Variants in CNTNAP2 observed in about 807,000 individuals in gnomAD.
CNTNAP2 encodes contactin associated protein 2, also known as contactin-associated protein-like 2.
A neutral mutation model predicts 155.2 loss-of-function variants in CNTNAP2; 98 were observed. That is an observed-to-expected ratio of 0.63 (90% CI 0.54 to 0.75). The LOEUF is 0.75. Among genes scored for constraint, CNTNAP2 ranks in the 30% least tolerant of loss-of-function variants. The pLI is 0.00. For missense variants in CNTNAP2, 1,727 were observed against 1,688.1 expected (o/e 1.02, Z -0.40); for synonymous variants, 651 against 631.2 (o/e 1.03, Z -0.47).
chr7:146,364,458 T>C (rs1795127612), intron 1 of CNTNAP2, among the ~76,000 whole-genome samples: 1 of 152,198 alleles, frequency 6.6e-6, no homozygotes, highest in Non-Finnish European at 1.5e-5. Context: ...TTTTTTCAAT[T>C]GCTTTAGAGG....
At chr7:147,700,470 T>C (rs549484941) in intron 13 of CNTNAP2, among the ~76,000 whole-genome samples, 2 of 152,314 alleles carry the variant, frequency 1.3e-5, no homozygotes, top group African/African-American at 4.8e-5. Context: ...ACCTATCCAC[T>C]TCAAATTCAT....
chr7:147,244,308 C>T (rs1373791429), intron 8 of CNTNAP2, among the ~76,000 whole-genome samples: 1 of 152,134 alleles, frequency 6.6e-6, no homozygotes, highest in Non-Finnish European at 1.5e-5. Flanking sequence ...AGATCAGGGG[C>T]CAGCAGCCTT....
chr7:147,476,306 C>T (rs1798319192), intron 10 of CNTNAP2, among the ~76,000 whole-genome samples: 2 of 151,908 alleles, frequency 1.3e-5, no homozygotes, highest in African/African-American at 2.4e-5. Flanking sequence ...GGGGTTTCAC[C>T]GTGTTAACCA....
chr7:146,941,489 T>C (rs569397345), intron 3 of CNTNAP2, among the ~76,000 whole-genome samples: 17 of 152,256 alleles, frequency 1.1e-4, no homozygotes, highest in African/African-American at 4.1e-4. Context: ...TAGTTTTGTC[T>C]TTTAACCTTC....
chr7:148,296,565 A>AAAAAAAT (rs1797290828), intron 21 of CNTNAP2, among the ~76,000 whole-genome samples: 1 of 142,124 alleles, frequency 7.0e-6, no homozygotes, highest in South Asian at 2.2e-4. Context: ...AAAAAAAAAA[A>AAAAAAAT]AAATTATCCC....
intron 11 of CNTNAP2, among the ~76,000 whole-genome samples, chr7:147,510,871 A>ATATAT (rs1799006293): frequency 2.8e-5 from 4 of 141,936 alleles, no homozygotes; most frequent in African/African-American, 1.1e-4. Context: ...ATATATATAT[A>ATATAT]ATGCTTCCTC....
In CNTNAP2 at chr7:148,417,412, C is replaced by T. The variant is rs990363913; in HGVS notation, c.*1796C>T. ...TTAATTCCCATACAAGTCAAGGTAA[C>T]AGAACAAAAGGGAATCCTGATGCCC... is the stretch of plus-strand genomic sequence containing the variant. On this transcript the variant is annotated 3_prime_UTR_variant, in exon 24 of 24. Coordinates refer to ENST00000361727, the MANE Select transcript of CNTNAP2 (RefSeq NM_014141.6). 6.6e-6 allele frequency: 1 copy of T among 152,598 alleles called. No homozygotes were observed. The highest frequency in any genetic ancestry group is 1.5e-5 in the Non-Finnish European group (1 of 68,040). The allele number at this position is 152,598 out of a possible 1,614,324, so 9.5% of individuals were successfully genotyped here. A position where few individuals can be genotyped will look rare whatever the true frequency, so the allele number is the denominator to read the frequency against.
chr7:147,950,874 G>T (rs115677756), intron 14 of CNTNAP2, among the ~76,000 whole-genome samples: 1 of 152,144 alleles, frequency 6.6e-6, no homozygotes, highest in South Asian at 2.1e-4. Context: ...AGAGAAATCC[G>T]TACCAAAAAA....
At chr7:146,670,533 A>G (rs1800284778) in intron 1 of CNTNAP2, among the ~76,000 whole-genome samples, 2 of 152,212 alleles carry the variant, frequency 1.3e-5, no homozygotes, top group Admixed American at 6.5e-5. Context: ...GGATTAAAAA[A>G]TATACTTTAA....
At chr7:146,745,232 A>G (rs1186555187) in intron 1 of CNTNAP2, among the ~76,000 whole-genome samples, 1 of 152,172 alleles carries the variant, frequency 6.6e-6, no homozygotes, top group Admixed American at 6.5e-5. Flanking sequence ...TTATTTACAA[A>G]CATCTAATGC....
intron 13 of CNTNAP2, among the ~76,000 whole-genome samples, chr7:147,895,198 C>A (rs1272860899): frequency 1.3e-5 from 2 of 151,416 alleles, no homozygotes; most frequent in Non-Finnish European, 2.9e-5. Context: ...GATTTTGAAC[C>A]CCTGACCTCA....
At chr7:146,911,095 AC>A (rs1796265142) in intron 3 of CNTNAP2, among the ~76,000 whole-genome samples, 1 of 152,066 alleles carries the variant, frequency 6.6e-6, no homozygotes. Flanking sequence ...GCAAATCAAA[AC>A]CACTATGAGA....
chr7:146,168,840 C>T (rs1412997689), intron 1 of CNTNAP2, among the ~76,000 whole-genome samples: 1 of 152,178 alleles, frequency 6.6e-6, no homozygotes, highest in Non-Finnish European at 1.5e-5. Flanking sequence ...TATCACTTCT[C>T]TGCTCAAAAC....
At chr7:147,645,930 C>T (rs562089291) in intron 13 of CNTNAP2, among the ~76,000 whole-genome samples, 3 of 152,198 alleles carry the variant, frequency 2.0e-5, no homozygotes, top group African/African-American at 7.2e-5. Flanking sequence ...AAATGGAAAC[C>T]GGAAATTAAT....
chr7:147,348,554 AGCTAGTAC>A (rs1462997510), intron 9 of CNTNAP2, among the ~76,000 whole-genome samples: 1 of 152,068 alleles, frequency 6.6e-6, no homozygotes, highest in East Asian at 1.9e-4. Flanking sequence ...TAGGAATGTA[AGCTAGTAC>A]AGCCACTCCA....
intron 9 of CNTNAP2, among the ~76,000 whole-genome samples, chr7:147,385,746 C>G (rs1012166801): frequency 6.6e-6 from 1 of 152,206 alleles, no homozygotes; most frequent in Non-Finnish European, 1.5e-5. Flanking sequence ...GCACACAGTG[C>G]AAGCTGTAGG....
At chr7:146,483,139 G>A (rs1796990511) in intron 1 of CNTNAP2, among the ~76,000 whole-genome samples, 1 of 150,464 alleles carries the variant, frequency 6.6e-6, no homozygotes, top group South Asian at 2.1e-4. Flanking sequence ...AGCCGGGCAT[G>A]GTGGCGGGCG....
At chr7:147,313,425 G>T (rs1386172306) in intron 9 of CNTNAP2, among the ~76,000 whole-genome samples, 1 of 151,056 alleles carries the variant, frequency 6.6e-6, no homozygotes, top group Non-Finnish European at 1.5e-5. Context: ...AATCCATCTT[G>T]AATTAATTTT....
intron 8 of CNTNAP2, among the ~76,000 whole-genome samples, chr7:147,242,619 C>G (rs1358917587): frequency 6.6e-6 from 1 of 152,122 alleles, no homozygotes; most frequent in Non-Finnish European, 1.5e-5. Context: ...CTGCCTGTAC[C>G]TCAAAGTTTT....
Sources: gnomAD v4.1 joint callset for allele counts (sites outside exome capture counted in the v4.1 genomes callset) on GRCh38, gnomAD v4.1.1 for gene constraint, MANE v1.5 for transcripts, NCBI Gene and HGNC (gene_info 2026-07-23, HGNC 2026-07-21) for gene names.